Variants in RIPK2 observed in about 807,000 individuals in gnomAD.
RIPK2 encodes receptor-interacting serine/threonine-protein kinase 2.
A neutral mutation model predicts 60.9 loss-of-function variants in RIPK2; 38 were observed. That is an observed-to-expected ratio of 0.62 (90% confidence interval 0.48 to 0.82). The LOEUF is 0.82. Among genes scored for constraint, RIPK2 ranks in the 40% least tolerant of loss-of-function variants. The probability of loss-of-function intolerance (pLI) is 0.00; values close to 1 mark genes in which losing one functional copy is unlikely to be tolerated. For missense variants in RIPK2, 518 were observed against 647.0 expected, an observed-to-expected ratio of 0.80 and a Z score of 2.16; for synonymous variants, 225 against 223.4, an observed-to-expected ratio of 1.01 and a Z score of -0.06.
intron 4 of RIPK2, among the ~76,000 whole-genome samples, chr8:89,770,671 TA>T (rs918481254): frequency 2.0e-5 from 3 of 151,820 alleles, no homozygotes; most frequent in African/African-American, 4.8e-5. Flanking sequence ...TTGCCATCTT[TA>T]ATAAATAATT....
rs142921038 is a variant in RIPK2, at chr8:89,768,951, G to A, written c.484-821G>A. 1.7e-3 allele frequency among the ~76,000 whole-genome samples: 257 copies of A among 151,768 alleles called. 1 individual carries two copies. The highest frequency in any genetic ancestry group is 5.9e-3 in the African/African-American group (244 of 41,452). On this transcript the variant is annotated intron_variant, in intron 3 of 10. Coordinates refer to ENST00000220751, the MANE Select transcript of RIPK2 (RefSeq NM_003821.6). ...CAGTAAAATATTTTAAGTAATTTCA[G>A]TGTCTTTTAGGATTTCCCATACTCC... is the stretch of plus-strand genomic sequence containing the variant.
At position 89,772,724 on chromosome 8, in the gene RIPK2, T is replaced by G. The variant is rs746433286; in HGVS notation, c.749T>G (p.Ile250Ser). ...YSVSQGHRPV[I>S]NEESLPYDIP... is the part of the protein sequence containing the mutation. ...GTGTCACAAGGACATCGACCTGTTATTAATGAAGAAAGTTTGCCATATGAT... is the reference window on the plus strand; with the variant it reads ...GTGTCACAAGGACATCGACCTGTTAGTAATGAAGAAAGTTTGCCATATGAT... Residue 250 changes from isoleucine to serine, a missense_variant, in exon 6 of 11, where the codon ATT becomes AGT. Ile to Ser is a moderately radical substitution (Grantham distance 142, BLOSUM62 -2). Around this residue, in one of 3 missense-constraint regions of RIPK2, gnomAD observed 448 missense variants for 534.7 expected, o/e 0.84. Coordinates refer to ENST00000220751, the MANE Select transcript of RIPK2 (RefSeq NM_003821.6). 1 of 1,612,088 alleles carries G rather than the reference T, an allele frequency of 6.2e-7. No individual in the cohort carries two copies. Among genetic ancestry groups the G allele is most frequent in the Non-Finnish European group, 8.5e-7 (1 of 1,178,592 alleles).
chr8:89,774,668 A>G (rs1809369136), intron 6 of RIPK2, among the ~76,000 whole-genome samples: 1 of 152,148 alleles, frequency 6.6e-6, no homozygotes, highest in African/African-American at 2.4e-5. Flanking sequence ...CAATACATGA[A>G]TCTGTTGTTC....
At chr8:89,788,191 A>C (rs191541735) in intron 9 of RIPK2, among the ~76,000 whole-genome samples, 7 of 151,942 alleles carry the variant, frequency 4.6e-5, no homozygotes, top group Admixed American at 4.6e-4. Flanking sequence ...AAAATACAAA[A>C]AAATTAGCGG....
At chr8:89,760,455 C>A (rs1434726603) in intron 1 of RIPK2, among the ~76,000 whole-genome samples, 2 of 152,094 alleles carry the variant, frequency 1.3e-5, no homozygotes, top group Non-Finnish European at 2.9e-5. Context: ...TACTTTACAC[C>A]TTTATTTTCA....
At chr8:89,768,179 C>G (rs1418469972) in intron 3 of RIPK2, among the ~76,000 whole-genome samples, 1 of 151,554 alleles carries the variant, frequency 6.6e-6, no homozygotes, top group South Asian at 2.1e-4. Flanking sequence ...TGCCACGTAT[C>G]GTTGCTTAAG....
intron 9 of RIPK2, among the ~76,000 whole-genome samples, chr8:89,788,217 C>T (rs1481757613): frequency 6.6e-6 from 1 of 151,840 alleles, no homozygotes; most frequent in Non-Finnish European, 1.5e-5. Context: ...GTGGTGCACA[C>T]CTGTAATCCC....
chr8:89,783,494 A>C (rs1809533926), intron 7 of RIPK2, among the ~76,000 whole-genome samples: 1 of 152,194 alleles, frequency 6.6e-6, no homozygotes, highest in Non-Finnish European at 1.5e-5. Flanking sequence ...CTAATGTCTC[A>C]CGTCAAACAG....
Position 89,757,904 on chromosome 8 carries a change from G to C in RIPK2, c.-157G>C, listed in dbSNP as rs1023225250. 3.6e-6 allele frequency: 5 copies of C among 1,383,338 alleles called. No individual in the cohort carries two copies. The allele number at this position is 1,383,338 out of a possible 1,614,324, so 85.7% of individuals were successfully genotyped here. Reference sequence around the variant, plus strand: ...GCAGCGGCTGGCGTGGGCCATCCGGGGAATGGGCGCCCTCGTGACCTAGTG... The same window carrying C: ...GCAGCGGCTGGCGTGGGCCATCCGGCGAATGGGCGCCCTCGTGACCTAGTG... On this transcript the variant is annotated 5_prime_UTR_variant, in exon 1 of 11. Transcript: ENST00000220751.
intron 2 of RIPK2, among the ~76,000 whole-genome samples, chr8:89,764,623 A>C (rs1202208734): frequency 6.6e-6 from 1 of 152,130 alleles, no homozygotes; most frequent in African/African-American, 2.4e-5. Context: ...ATTTTAAGAA[A>C]ACTCAGATGG....
chr8:89,775,786 A>T (rs1305907778), intron 6 of RIPK2, among the ~76,000 whole-genome samples: 3 of 152,308 alleles, frequency 2.0e-5, no homozygotes, highest in Admixed American at 2.0e-4. Flanking sequence ...GTGTAGTATG[A>T]GAGCAGATGA....
At chr8:89,774,561 CAT>C (rs1331087383) in intron 6 of RIPK2, among the ~76,000 whole-genome samples, 1 of 152,126 alleles carries the variant, frequency 6.6e-6, no homozygotes, top group Non-Finnish European at 1.5e-5. Context: ...GAAATGAAAA[CAT>C]ATGTTCACAC....
intron 7 of RIPK2, among the ~76,000 whole-genome samples, chr8:89,782,360 C>G (rs1809515143): frequency 6.6e-6 from 1 of 152,122 alleles, no homozygotes; most frequent in South Asian, 2.1e-4. Context: ...TTTCAAACCA[C>G]AGTTGAGCAA....
intron 7 of RIPK2, among the ~76,000 whole-genome samples, chr8:89,781,140 A>T (rs907894917): frequency 6.6e-6 from 1 of 151,942 alleles, no homozygotes; most frequent in Non-Finnish European, 1.5e-5. Flanking sequence ...AGCAACATCT[A>T]CAATTTTTAT....
intron 10 of RIPK2, 89 bp downstream of exon 10, chr8:89,789,571 C>A: frequency 8.1e-7 from 1 of 1,233,990 alleles, no homozygotes; most frequent in Non-Finnish European, 1.1e-6. Flanking sequence ...TGAGGTTTGT[C>A]TTTATTTCCT....
At chr8:89,780,195 T>G (rs1364143571) in intron 7 of RIPK2, 35 bp downstream of exon 7, 2 of 1,042,576 alleles carry the variant, frequency 1.9e-6, no homozygotes, top group Non-Finnish European at 2.9e-6. Context: ...AAATTAGAAA[T>G]TTAAACAACT....
chr8:89,788,357 A>G (rs901722245), intron 9 of RIPK2, among the ~76,000 whole-genome samples: 1 of 152,128 alleles, frequency 6.6e-6, no homozygotes, highest in Admixed American at 6.5e-5. Flanking sequence ...AAAAAAAAAA[A>G]AAGTTAAAAC....
chr8:89,764,070 A>G (rs183694102), intron 2 of RIPK2, among the ~76,000 whole-genome samples: 1 of 152,094 alleles, frequency 6.6e-6, no homozygotes, highest in African/African-American at 2.4e-5. Flanking sequence ...TACAGTGAGC[A>G]CTTCTCTCCC....
At chr8:89,772,217 A>G (rs1483028557) in intron 5 of RIPK2, among the ~76,000 whole-genome samples, 1 of 152,064 alleles carries the variant, frequency 6.6e-6, no homozygotes, top group Non-Finnish European at 1.5e-5. Context: ...TCGAAGACTA[A>G]TCTGTCCTTT....
Sources: gnomAD v4.1 joint callset for allele counts (sites outside exome capture counted in the v4.1 genomes callset) on GRCh38, gnomAD v4.1.1 for gene constraint, gnomAD v4.1.1 regional missense constraint, MANE v1.5 for transcripts, NCBI Gene and HGNC (gene_info 2026-07-23, HGNC 2026-07-21) for gene names.